The following KLF12 variants were observed in gnomAD, a reference collection of about 807,000 sequenced individuals.
KLF12 encodes Krueppel-like factor 12.
A neutral mutation model predicts 37.8 loss-of-function variants in KLF12; 9 were observed. The observed-to-expected ratio is 0.24, with a 90% CI of 0.14 to 0.42. The LOEUF is 0.42. KLF12 is among the 10% of genes least tolerant of loss of function. The pLI, the probability that KLF12 is intolerant of heterozygous loss-of-function variation, is 1.00. For synonymous variants in KLF12, 208 were observed against 202.1 expected (o/e 1.03, Z -0.25); for missense variants, 411 against 516.0 (o/e 0.80, Z 1.97).
chr13:74,244,266 A>G, the KLF12 span, among the ~76,000 whole-genome samples: 1 of 152,186 alleles, frequency 6.6e-6, no homozygotes, highest in Non-Finnish European at 1.5e-5. Flanking sequence ...GATGTAGCTT[A>G]GTCTTTTATT....
chr13:73,768,831 C>T (rs1880097004), intron 5 of KLF12, among the ~76,000 whole-genome samples: 1 of 152,084 alleles, frequency 6.6e-6, no homozygotes, highest in Admixed American at 6.6e-5. Context: ...AGAGAAAAGT[C>T]AGGATTTAAA....
chr13:73,708,633 T>C (rs570821598), intron 7 of KLF12, among the ~76,000 whole-genome samples: 32 of 152,322 alleles, frequency 2.1e-4, no homozygotes, highest in Non-Finnish European at 7.3e-5. Context: ...TTTTACTGCA[T>C]TGTAGAAATT....
intron 2 of KLF12, among the ~76,000 whole-genome samples, chr13:73,993,620 A>G (rs2138261501): frequency 6.6e-6 from 1 of 152,368 alleles, no homozygotes; most frequent in Middle Eastern, 3.4e-3. Context: ...CCATGTTTAC[A>G]TAGAGAAAAG....
the KLF12 span, among the ~76,000 whole-genome samples, chr13:74,239,222 T>C: frequency 6.6e-6 from 1 of 152,014 alleles, no homozygotes; most frequent in African/African-American, 2.4e-5. Flanking sequence ...CAGGAGCAGG[T>C]TGTTCATTTT....
At chr13:74,114,198 CA>C (rs1204276050) in intron 1 of KLF12, among the ~76,000 whole-genome samples, 6 of 152,176 alleles carry the variant, frequency 3.9e-5, no homozygotes, top group African/African-American at 1.4e-4. Context: ...CCCCAACCTT[CA>C]GAACCACCAC....
chr13:74,208,395 G>A, the KLF12 span, among the ~76,000 whole-genome samples: 1,086 of 152,164 alleles, frequency 7.1e-3, 10 homozygotes, highest in African/African-American at 0.022. Flanking sequence ...CACTAATTAT[G>A]TGTAATTAAG....
chr13:73,815,332 G>A (rs141935268), intron 4 of KLF12, among the ~76,000 whole-genome samples: 13 of 152,216 alleles, frequency 8.5e-5, no homozygotes, highest in East Asian at 5.8e-4. Flanking sequence ...ATTTATTTTC[G>A]CTGTAGGCAA....
intron 6 of KLF12, among the ~76,000 whole-genome samples, chr13:73,729,357 A>G (rs896185873): frequency 7.9e-5 from 12 of 152,206 alleles, no homozygotes; most frequent in African/African-American, 2.9e-4. Context: ...TGTTTACAAT[A>G]CTCTCAGTGT....
At chr13:74,135,026 G>T, upstream of KLF12, among the ~76,000 whole-genome samples, 1 of 151,518 alleles carries the variant, frequency 6.6e-6, no homozygotes, top group East Asian at 1.9e-4. Context: ...GTCAGGCAGG[G>T]GCAGCCCCGC....
chr13:73,934,926 G>C (rs1889854866), intron 3 of KLF12, among the ~76,000 whole-genome samples: 1 of 150,102 alleles, frequency 6.7e-6, no homozygotes, highest in South Asian at 2.1e-4. Flanking sequence ...TCTGTGCTTT[G>C]TGCTTTATTT....
the KLF12 span, among the ~76,000 whole-genome samples, chr13:74,167,769 A>G: frequency 7.2e-5 from 11 of 152,366 alleles, no homozygotes; most frequent in East Asian, 1.7e-3. Flanking sequence ...TCGTAAAATC[A>G]TAACAGGTCT....
intron 1 of KLF12, among the ~76,000 whole-genome samples, chr13:74,010,673 C>G (rs1006366021): frequency 6.6e-6 from 1 of 152,048 alleles, no homozygotes; most frequent in African/African-American, 2.4e-5. Context: ...CAGACCTAAT[C>G]AATACTACTA....
chr13:73,886,992 CAAA>C (rs35604161), intron 3 of KLF12, among the ~76,000 whole-genome samples: 2 of 127,202 alleles, frequency 1.6e-5, no homozygotes, highest in African/African-American at 3.0e-5. Context: ...AAATCCGTCT[CAAA>C]AAAAAAAAAA....
At chr13:74,061,312 C>CAA (rs953408682) in intron 1 of KLF12, among the ~76,000 whole-genome samples, 1 of 152,150 alleles carries the variant, frequency 6.6e-6, no homozygotes, top group Non-Finnish European at 1.5e-5. Context: ...GTTTCAAACA[C>CAA]AGATAGGTGG....
Position 73,764,472 on chromosome 13 carries a change from C to T in KLF12, c.869+466G>A, listed in dbSNP as rs530081570. 1.6e-3 allele frequency among the ~76,000 whole-genome samples: 174 copies of T among 106,814 alleles called. 1 individual carries two copies. Among genetic ancestry groups the T allele is most frequent in the African/African-American group, 5.4e-3 (168 of 30,958 alleles). The allele number at this position is 106,814 out of a possible 152,430, so 70.1% of individuals were successfully genotyped here. On this transcript the variant is annotated intron_variant, in intron 6 of 7. Transcript: ENST00000377669. Reference sequence around the variant, plus strand: ...AGTTAAAGAAGATCTTAGTACTCCCCAAATTAAAAAAAAAAAAAATCCTGG... The same window carrying T: ...AGTTAAAGAAGATCTTAGTACTCCCTAAATTAAAAAAAAAAAAAATCCTGG...
chr13:74,138,570 T>C (rs1437745963), upstream of KLF12, among the ~76,000 whole-genome samples: 1 of 152,180 alleles, frequency 6.6e-6, no homozygotes, highest in African/African-American at 2.4e-5. Flanking sequence ...AGGGGGAAAA[T>C]GCCATTTCGT....
chr13:73,896,168 G>A (rs1320344662), intron 3 of KLF12, among the ~76,000 whole-genome samples: 1 of 152,054 alleles, frequency 6.6e-6, no homozygotes, highest in African/African-American at 2.4e-5. Context: ...TGAGAAATCA[G>A]GTCCCAAGTA....
chr13:73,780,910 C>G (rs1880924810), intron 5 of KLF12, among the ~76,000 whole-genome samples: 1 of 152,230 alleles, frequency 6.6e-6, no homozygotes, highest in Admixed American at 6.5e-5. Flanking sequence ...GGATTGACTC[C>G]AATTTCAAAA....
chr13:73,949,383 T>C (rs1282010464), intron 2 of KLF12, among the ~76,000 whole-genome samples: 1 of 152,240 alleles, frequency 6.6e-6, no homozygotes, highest in Non-Finnish European at 1.5e-5. Flanking sequence ...TAGCAACGAT[T>C]TGGAGAATCA....
Sources: allele counts gnomAD v4.1 joint callset (sites outside exome capture counted in the v4.1 genomes callset), GRCh38; gene constraint gnomAD v4.1.1; transcripts MANE v1.5; gene names NCBI Gene and HGNC (gene_info 2026-07-23, HGNC 2026-07-21).